Variants in VWC2 observed in about 807,000 individuals in gnomAD.
VWC2 encodes the protein brorin.
In VWC2, 14 loss-of-function variants were observed where a neutral mutation model predicts 29.8. That is an observed-to-expected ratio of 0.47 (90% CI 0.31 to 0.74). The LOEUF is 0.74. Among genes scored for constraint, VWC2 ranks in the 30% least tolerant of loss-of-function variants. VWC2 has a pLI of 0.05. For synonymous variants in VWC2, 213 were observed against 199.0 expected, an observed-to-expected ratio of 1.07 and a Z score of -0.59; for missense variants, 457 against 459.8, an observed-to-expected ratio of 0.99 and a Z score of 0.05.
chr7:49,783,533 T>C (rs1240507430), intron 2 of VWC2, among the ~76,000 whole-genome samples: 1 of 152,228 alleles, frequency 6.6e-6, no homozygotes, highest in Non-Finnish European at 1.5e-5. Context: ...GGTACTTTTC[T>C]GACCACGTAG....
In VWC2 at chr7:49,915,440, A is replaced by G. The variant is rs1195425853; in HGVS notation, c.*3255A>G. On this transcript the variant is annotated 3_prime_UTR_variant, in exon 4 of 4. Coordinates refer to ENST00000340652, the MANE Select transcript of VWC2 (RefSeq NM_198570.5). ...AGAATTATCATGCAGTTTTAAGTTC[A>G]TAACATCAATAATATGTTTAATAAA... 6.6e-6 allele frequency: 1 copy of G among 152,250 alleles called. No homozygotes were observed. Among genetic ancestry groups the G allele is most frequent in the African/African-American group, 2.4e-5 (1 of 41,480 alleles). 9.4% of individuals were successfully genotyped at this position (152,250 alleles called of 1,614,324 possible).
At chr7:49,843,215 G>T (rs539840537) in intron 3 of VWC2, among the ~76,000 whole-genome samples, 5 of 152,076 alleles carry the variant, frequency 3.3e-5, no homozygotes, top group Non-Finnish European at 7.4e-5. Context: ...TGGAAAATAT[G>T]GGAATTCCAA....
chr7:49,906,949 G>A (rs908042804), intron 3 of VWC2, among the ~76,000 whole-genome samples: 7 of 152,072 alleles, frequency 4.6e-5, no homozygotes, highest in Non-Finnish European at 1.0e-4. Context: ...AATGTGCTAA[G>A]CATTTATATG....
At chr7:49,818,650 G>C (rs141527153) in intron 3 of VWC2, among the ~76,000 whole-genome samples, 1 of 151,614 alleles carries the variant, frequency 6.6e-6, no homozygotes, top group Admixed American at 6.6e-5. Flanking sequence ...ACCTGCTGCC[G>C]GGGCCATCTG....
At chr7:49,878,836 G>A (rs1791556579) in intron 3 of VWC2, among the ~76,000 whole-genome samples, 1 of 152,168 alleles carries the variant, frequency 6.6e-6, no homozygotes, top group Admixed American at 6.6e-5. Context: ...CACAGCTACA[G>A]TTGTTTATGT....
chr7:49,776,444 C>G (rs1463555982), intron 2 of VWC2, among the ~76,000 whole-genome samples: 1 of 152,292 alleles, frequency 6.6e-6, no homozygotes. Context: ...TGTACTGCTC[C>G]TAATTTGGGA....
chr7:49,806,078 ATTAT>A (rs1373138383), intron 3 of VWC2, among the ~76,000 whole-genome samples: 22 of 151,956 alleles, frequency 1.4e-4, no homozygotes, highest in African/African-American at 5.3e-4. Flanking sequence ...GTTGCATGGC[ATTAT>A]TTGTTTTTAA....
At chr7:49,786,102 A>C (rs745882535) in intron 2 of VWC2, among the ~76,000 whole-genome samples, 6 of 152,184 alleles carry the variant, frequency 3.9e-5, no homozygotes, top group Admixed American at 6.5e-5. Flanking sequence ...TGAACATAGT[A>C]TGCAACAGTT....
intron 3 of VWC2, among the ~76,000 whole-genome samples, chr7:49,847,569 T>C (rs1789991653): frequency 6.6e-6 from 1 of 151,908 alleles, no homozygotes; most frequent in Non-Finnish European, 1.5e-5. Context: ...TCAAAGAGAG[T>C]TGGTTATACT....
chr7:49,845,372 A>G (rs1789913658), intron 3 of VWC2, among the ~76,000 whole-genome samples: 1 of 152,234 alleles, frequency 6.6e-6, no homozygotes. Context: ...TGGTTTCTAT[A>G]GAAACTTAGA....
chr7:49,806,772 A>G (rs937692752), intron 3 of VWC2, among the ~76,000 whole-genome samples: 3 of 151,862 alleles, frequency 2.0e-5, no homozygotes, highest in African/African-American at 4.8e-5. Flanking sequence ...GGTCATATCA[A>G]GATCCTCTCA....
chr7:49,892,185 C>T (rs571762761), intron 3 of VWC2, among the ~76,000 whole-genome samples: 1 of 151,338 alleles, frequency 6.6e-6, no homozygotes, highest in South Asian at 2.1e-4. Context: ...GCTGGGACTA[C>T]AGGCGCCCAC....
At chr7:49,838,327 CTA>C (rs1188871385) in intron 3 of VWC2, among the ~76,000 whole-genome samples, 2 of 152,086 alleles carry the variant, frequency 1.3e-5, no homozygotes, top group Non-Finnish European at 2.9e-5. Context: ...TGAGACTTAT[CTA>C]TTATCTCTTA....
At chr7:49,863,852 C>T (rs991987618) in intron 3 of VWC2, among the ~76,000 whole-genome samples, 1 of 152,084 alleles carries the variant, frequency 6.6e-6, no homozygotes, top group African/African-American at 2.4e-5. Flanking sequence ...GTTAGATTAT[C>T]GATTTGAGAT....
At chr7:49,785,448 A>C (rs1745438590) in intron 2 of VWC2, among the ~76,000 whole-genome samples, 1 of 152,220 alleles carries the variant, frequency 6.6e-6, no homozygotes, top group African/African-American at 2.4e-5. Context: ...GAGATTGTAG[A>C]GTATGGGAGA....
intron 3 of VWC2, among the ~76,000 whole-genome samples, chr7:49,838,607 G>A (rs921601753): frequency 2.0e-5 from 3 of 151,972 alleles, no homozygotes; most frequent in Admixed American, 1.3e-4. Context: ...CAGCGCTTGA[G>A]TAGACGATGC....
chr7:49,777,407 A>G (rs1788076108), intron 2 of VWC2, among the ~76,000 whole-genome samples: 2 of 152,236 alleles, frequency 1.3e-5, no homozygotes, highest in African/African-American at 4.8e-5. Context: ...TAGTGTACAA[A>G]GTATGGAAAG....
intron 3 of VWC2, among the ~76,000 whole-genome samples, chr7:49,848,314 A>G (rs1355811239): frequency 2.0e-5 from 3 of 152,178 alleles, no homozygotes; most frequent in Non-Finnish European, 2.9e-5. Flanking sequence ...GGGTCTTTCC[A>G]GGATCTTCTC....
At chr7:49,815,843 A>G (rs901619782) in intron 3 of VWC2, among the ~76,000 whole-genome samples, 1 of 152,226 alleles carries the variant, frequency 6.6e-6, no homozygotes, top group African/African-American at 2.4e-5. Flanking sequence ...TCCTTCATTA[A>G]TTCATTCAAC....
Sources: gnomAD v4.1 joint callset for allele counts (sites outside exome capture counted in the v4.1 genomes callset) on GRCh38, gnomAD v4.1.1 for gene constraint, MANE v1.5 for transcripts, NCBI Gene and HGNC (gene_info 2026-07-23, HGNC 2026-07-21) for gene names.